The following RIT2 variants were observed in gnomAD, a reference collection of about 807,000 sequenced individuals.
RIT2 encodes Ras like without CAAX 2.
RIT2 carries 24 observed loss-of-function variants against 23.7 expected under a neutral mutation model. That is an observed-to-expected ratio of 1.01 (90% CI 0.73 to 1.43). The LOEUF (loss-of-function observed/expected upper bound fraction) is 1.43. Ranked by LOEUF, RIT2 falls within the 40% of genes most tolerant of loss-of-function variation. The pLI is 0.00. For synonymous variants in RIT2, 107 were observed against 91.1 expected (o/e 1.17, Z -0.99); for missense variants, 236 against 266.9 (o/e 0.88, Z 0.81).
intron 1 of RIT2, among the ~76,000 whole-genome samples, chr18:43,105,132 T>TGTGTGTTTG (rs1568083682): frequency 9.1e-5 from 8 of 87,808 alleles, no homozygotes; most frequent in Admixed American, 3.9e-4. Context: ...GTGTGTGTGT[T>TGTGTGTTTG]TGTGTGTGTG....
intron 1 of RIT2, among the ~76,000 whole-genome samples, chr18:43,074,944 T>C (rs576610348): frequency 3.9e-5 from 6 of 152,258 alleles, no homozygotes; most frequent in African/African-American, 1.4e-4. Flanking sequence ...CTAATGCATA[T>C]TGGGCTTAAT....
intron 1 of RIT2, among the ~76,000 whole-genome samples, chr18:43,087,026 A>G (rs1424264517): frequency 6.6e-6 from 1 of 151,994 alleles, no homozygotes; most frequent in Non-Finnish European, 1.5e-5. Context: ...CAGGCGGGTG[A>G]GTCACTTGAG....
At chr18:43,026,569 TAAATAAGA>T (rs1911724007) in intron 2 of RIT2, among the ~76,000 whole-genome samples, 3 of 49,582 alleles carry the variant, frequency 6.1e-5, no homozygotes, top group East Asian at 4.2e-4. Context: ...AAGTAAGAAA[TAAATAAGA>T]AAGAAAGAAA....
chr18:43,110,837 A>G (rs1051862077), intron 1 of RIT2, among the ~76,000 whole-genome samples: 3 of 152,138 alleles, frequency 2.0e-5, no homozygotes, highest in African/African-American at 7.2e-5. Context: ...CATGAGTCTT[A>G]TTTTTAAAAT....
At chr18:42,764,286 T>G (rs911455183) in intron 4 of RIT2, among the ~76,000 whole-genome samples, 14 of 152,202 alleles carry the variant, frequency 9.2e-5, no homozygotes, top group Non-Finnish European at 7.3e-5. Flanking sequence ...AAGTTACTTC[T>G]ACTCTCAGCT....
At chr18:42,905,888 C>T (rs1031194643) in intron 4 of RIT2, among the ~76,000 whole-genome samples, 9 of 147,250 alleles carry the variant, frequency 6.1e-5, no homozygotes, top group African/African-American at 1.5e-4. Context: ...TTTAGCAGAA[C>T]TAGGGATAAA....
Position 43,045,457 on chromosome 18 carries a change from G to C in RIT2, c.104-11590C>G, listed in dbSNP as rs538979991. The stretch of plus-strand genomic sequence containing the variant: ...TCTGATATTTCAGATAATCATGTTA[G>C]TAACTAATGGGCACCAACGTATACC... On this transcript the variant is annotated intron_variant, in intron 1 of 4. Coordinates refer to ENST00000326695, the MANE Select transcript of RIT2 (RefSeq NM_002930.4). Among the ~76,000 whole-genome samples the C allele has an allele frequency of 2.0e-4, 30 of 152,290 alleles. No homozygotes were observed. In the South Asian group the frequency reaches 5.6e-3, roughly 28 times the overall value.
At chr18:42,915,974 T>C (rs954429552) in intron 4 of RIT2, among the ~76,000 whole-genome samples, 33 of 151,998 alleles carry the variant, frequency 2.2e-4, no homozygotes, top group African/African-American at 7.0e-4. Flanking sequence ...AAATATTTCA[T>C]TTAAGGCCTT....
chr18:43,024,701 T>TCAAA (rs1203065042), intron 2 of RIT2, among the ~76,000 whole-genome samples: 1 of 142,058 alleles, frequency 7.0e-6, no homozygotes, highest in Admixed American at 7.5e-5. Context: ...TTCATGGAAC[T>TCAAA]CAAACAAACA....
At chr18:43,047,588 G>T (rs901595105) in intron 1 of RIT2, among the ~76,000 whole-genome samples, 4 of 151,922 alleles carry the variant, frequency 2.6e-5, no homozygotes, top group African/African-American at 9.7e-5. Flanking sequence ...AACATAAAGA[G>T]AAAATCAAGT....
At chr18:42,984,276 C>T (rs951117226) in intron 2 of RIT2, among the ~76,000 whole-genome samples, 2 of 152,018 alleles carry the variant, frequency 1.3e-5, no homozygotes, top group Non-Finnish European at 2.9e-5. Context: ...GTGTGCATCT[C>T]TTTCAAATTA....
chr18:43,043,807 CAAAT>C (rs1315828010), intron 1 of RIT2, among the ~76,000 whole-genome samples: 1 of 151,730 alleles, frequency 6.6e-6, no homozygotes, highest in African/African-American at 2.4e-5. Context: ...CTCAAACAAA[CAAAT>C]AAATAAATAA....
chr18:43,058,587 T>C (rs1276824267), intron 1 of RIT2, among the ~76,000 whole-genome samples: 2 of 152,086 alleles, frequency 1.3e-5, no homozygotes, highest in Non-Finnish European at 2.9e-5. Flanking sequence ...TTCAAGTCTA[T>C]AAAAAATAAC....
intron 4 of RIT2, among the ~76,000 whole-genome samples, chr18:42,879,254 A>C (rs1184998140): frequency 6.6e-6 from 1 of 152,016 alleles, no homozygotes; most frequent in Non-Finnish European, 1.5e-5. Flanking sequence ...TGAATATCAC[A>C]TTTTCTCCTG....
intron 3 of RIT2, among the ~76,000 whole-genome samples, chr18:42,931,608 C>T (rs908558464): frequency 3.3e-5 from 5 of 152,016 alleles, no homozygotes; most frequent in Admixed American, 6.6e-5. Flanking sequence ...GTTTCATGAC[C>T]GCCTCTGGGG....
At chr18:43,103,544 A>C (rs1913736393) in intron 1 of RIT2, among the ~76,000 whole-genome samples, 1 of 152,230 alleles carries the variant, frequency 6.6e-6, no homozygotes, top group South Asian at 2.1e-4. Flanking sequence ...AAAGAATTTT[A>C]AGTGTTATAA....
chr18:42,878,858 T>C (rs1344179115), intron 4 of RIT2, among the ~76,000 whole-genome samples: 1 of 149,102 alleles, frequency 6.7e-6, no homozygotes, highest in Non-Finnish European at 1.5e-5. Context: ...AATTCTTACT[T>C]CTACTCATCT....
At chr18:42,917,745 T>C (rs1466842340) in intron 4 of RIT2, among the ~76,000 whole-genome samples, 1 of 152,198 alleles carries the variant, frequency 6.6e-6, no homozygotes, top group Non-Finnish European at 1.5e-5. Flanking sequence ...CCAGCTATTA[T>C]GGCTCTCAAA....
intron 1 of RIT2, among the ~76,000 whole-genome samples, chr18:43,070,966 C>T (rs1257608107): frequency 4.6e-5 from 7 of 152,120 alleles, no homozygotes; most frequent in Admixed American, 4.6e-4. Context: ...TTTCTTGTTG[C>T]ACTTGTATAA....
Sources: allele counts gnomAD v4.1 joint callset (sites outside exome capture counted in the v4.1 genomes callset), GRCh38; gene constraint gnomAD v4.1.1; transcripts MANE v1.5; gene names NCBI Gene and HGNC (gene_info 2026-07-23, HGNC 2026-07-21).